The following CROT variants were observed in gnomAD, a reference collection of about 807,000 sequenced individuals.
The protein encoded by CROT is carnitine O-octanoyltransferase.
A neutral mutation model predicts 89.2 loss-of-function variants in CROT; 84 were observed. The ratio of observed to expected loss-of-function variants is 0.94; its 90% CI spans 0.79 to 1.13. The LOEUF (loss-of-function observed/expected upper bound fraction) is 1.13. Among genes scored for constraint, CROT ranks in the 50% most tolerant of loss-of-function variants. The pLI is 0.00. For synonymous variants in CROT, 212 were observed against 239.5 expected, an observed-to-expected ratio of 0.89 and a Z score of 1.06; for missense variants, 711 against 727.8, an observed-to-expected ratio of 0.98 and a Z score of 0.27.
chr7:87,398,259 A>G (rs2116257422), intron 17 of CROT: 1 of 614,836 alleles, frequency 1.6e-6, no homozygotes, highest in East Asian at 3.4e-5. Flanking sequence ...TAAACGCAGT[A>G]AGACCTAGCT....
intron 10 of CROT, 63 bp downstream of exon 10, chr7:87,377,513 A>G: frequency 1.0e-6 from 1 of 953,278 alleles, no homozygotes; most frequent in Non-Finnish European, 1.7e-6. Context: ...ACAATAAACC[A>G]TAAATACTTG....
chr7:87,377,641 A>G (rs1806853194), intron 10 of CROT, among the ~76,000 whole-genome samples, 191 bp downstream of exon 10: 2 of 152,180 alleles, frequency 1.3e-5, no homozygotes, highest in African/African-American at 4.8e-5. Context: ...AGTAAGGCCA[A>G]CAGTTTGTTG....
At chr7:87,397,031 A>C (rs1401777640) in intron 17 of CROT, among the ~76,000 whole-genome samples, 1 of 152,134 alleles carries the variant, frequency 6.6e-6, no homozygotes, top group Non-Finnish European at 1.5e-5. Flanking sequence ...TTCTCATTTC[A>C]TCACACCATT....
Position 87,349,085 on chromosome 7 carries a change from C to G in CROT, c.17C>G (p.Ala6Gly). 6.3e-7 allele frequency: 1 copy of G among 1,598,424 alleles called. No individual in the cohort carries two copies. The highest frequency in any genetic ancestry group is 1.7e-5 in the Admixed American group (1 of 59,052). Residue 6 changes from alanine to glycine, a missense_variant, in exon 3 of 18, where the codon GCT (alanine) becomes GGT (glycine). Ala to Gly is a moderately conservative substitution (Grantham distance 60, BLOSUM62 0). Coordinates refer to ENST00000331536, the MANE Select transcript of CROT (RefSeq NM_021151.4). Reference sequence around the variant, plus strand: ...GATTTTATCATGGAAAATCAATTGGCTAAATCAACTGAAGAACGAACATTT... The same window carrying G: ...GATTTTATCATGGAAAATCAATTGGGTAAATCAACTGAAGAACGAACATTT... MENQL[A>G]KSTEERTFQY...
In CROT at chr7:87,383,006, T is replaced by A. The variant is rs189665487; in HGVS notation, c.1301+463T>A. ...TAAATAAGTTATAATTGAACATATTTATCAGGTACATGTGATTTTTTTGAT... is the reference window on the plus strand; with the variant it reads ...TAAATAAGTTATAATTGAACATATTAATCAGGTACATGTGATTTTTTTGAT... On this transcript the variant is annotated intron_variant, in intron 13 of 17. Transcript: ENST00000331536. Among the ~76,000 whole-genome samples the A allele has an allele frequency of 1.1e-3, 166 of 152,334 alleles. 2 individuals are homozygous for A. The East Asian group carries it at 0.025, about 23-fold the overall frequency.
At chr7:87,375,043 T>C (rs541349832) in intron 7 of CROT, among the ~76,000 whole-genome samples, 6 of 152,142 alleles carry the variant, frequency 3.9e-5, no homozygotes, top group Non-Finnish European at 8.8e-5. Context: ...TCTAGGAGCA[T>C]AAAATACTGT....
Position 87,361,462 on chromosome 7 carries a change from G to T in CROT, c.313G>T (p.Gly105Cys). The change falls in exon 5 of 18, where the codon GGT becomes TGT. Residue 105 changes from glycine (G) to cysteine (C), a missense_variant. Transcript: ENST00000331536. ...ATCACAATTGAATGTCAACTTTGCG[G>T]GTCCTGCAGCTCATTTTGAACACTA... Reference protein sequence around the residue: ...IPSQLNVNFAGPAAHFEHYWP... With the variant: ...IPSQLNVNFACPAAHFEHYWP... The T allele has an allele frequency of 6.2e-7, 1 of 1,613,948 alleles. No homozygotes were observed. The highest frequency in any genetic ancestry group is 1.3e-5 in the African/African-American group (1 of 74,988).
intron 3 of CROT, among the ~76,000 whole-genome samples, chr7:87,353,250 C>A (rs1050524713): frequency 8.5e-5 from 13 of 152,116 alleles, no homozygotes; most frequent in African/African-American, 3.1e-4. Context: ...TGGGTTTAAG[C>A]AATTCTCCCA....
At chr7:87,373,151 G>A (rs901477258) in intron 7 of CROT, among the ~76,000 whole-genome samples, 7 of 152,024 alleles carry the variant, frequency 4.6e-5, no homozygotes, top group African/African-American at 1.7e-4. Flanking sequence ...ATGCTAGTAA[G>A]GGTAAAGTGG....
At chr7:87,354,011 T>A (rs1413661488) in intron 3 of CROT, among the ~76,000 whole-genome samples, 1 of 152,188 alleles carries the variant, frequency 6.6e-6, no homozygotes, top group Admixed American at 6.5e-5. Flanking sequence ...CTTTAATAAA[T>A]CCCAGCAATA....
chr7:87,359,532 G>T, intron 4 of CROT: 1 of 1,320,368 alleles, frequency 7.6e-7, no homozygotes, highest in Non-Finnish European at 9.7e-7. Flanking sequence ...CAGATTTGCT[G>T]GGATAAGTGA....
At chr7:87,356,934 A>C (rs1193661769) in intron 3 of CROT, among the ~76,000 whole-genome samples, 1 of 152,146 alleles carries the variant, frequency 6.6e-6, no homozygotes, top group African/African-American at 2.4e-5. Context: ...AGGCAGGAGA[A>C]TCGCCTGAAC....
At chr7:87,383,630 G>A (rs573205300) in intron 13 of CROT, among the ~76,000 whole-genome samples, 5 of 151,876 alleles carry the variant, frequency 3.3e-5, no homozygotes, top group Admixed American at 2.6e-4. Flanking sequence ...CTGAGTAGCT[G>A]GGATTACAGG....
In CROT at chr7:87,382,407, T is replaced by G; in HGVS notation, c.1171-6T>G. Reference sequence around the variant, plus strand: ...TTCACCGTTCTCATTTAATTCTTCTTGTTAGGCATCTGATCTACAGATTGC... The same window carrying G: ...TTCACCGTTCTCATTTAATTCTTCTGGTTAGGCATCTGATCTACAGATTGC... On this transcript the variant is annotated splice_region_variant and splice_polypyrimidine_tract_variant and intron_variant, in intron 12 of 17. Transcript: ENST00000331536. 1 of 1,608,924 alleles carries G rather than the reference T, an allele frequency of 6.2e-7. No individual in the cohort carries two copies. The highest frequency in any genetic ancestry group is 8.5e-7 in the Non-Finnish European group (1 of 1,178,524).
intron 3 of CROT, among the ~76,000 whole-genome samples, chr7:87,357,280 A>G (rs1177836736): frequency 5.3e-5 from 8 of 152,158 alleles, no homozygotes; most frequent in Non-Finnish European, 1.0e-4. Flanking sequence ...ATACTGGCGT[A>G]CATCTTGCAA....
Position 87,391,569 on chromosome 7 carries a change from CTT to C in CROT, c.1302-17_1302-16del. 1.9e-6 allele frequency: 3 copies of C among 1,582,608 alleles called. No homozygotes were observed. The highest frequency in any genetic ancestry group is 2.4e-5 in the South Asian group (2 of 84,930). On this transcript the variant is annotated intron_variant, in intron 13 of 17. Coordinates refer to ENST00000331536, the MANE Select transcript of CROT (RefSeq NM_021151.4). ...AGCATTTTCTTTCTTATGATACACT[CTT>C]TTAATTTTTTCTTGTAGCCCTGGTT... is the stretch of plus-strand genomic sequence containing the variant.
At chr7:87,360,942 A>G (rs142866428) in intron 4 of CROT, among the ~76,000 whole-genome samples, 16 of 152,244 alleles carry the variant, frequency 1.1e-4, no homozygotes, top group Non-Finnish European at 2.1e-4. Flanking sequence ...CTCAATATCT[A>G]TGATGATTTA....
rs754572905 is a variant in CROT at position 87,391,728 on chromosome 7, GA to G, written c.1425+23del. 32 of 1,593,790 alleles carry G rather than the reference GA, an allele frequency of 2.0e-5. No homozygotes were observed. The highest frequency in any genetic ancestry group is 1.8e-4 in the African/African-American group (13 of 73,294). ...TTCTGTCAATGTGAGTATTGGAAAG[GA>G]AAAAAACTCACAAGATTTGTTTAAT... On this transcript the variant is annotated intron_variant, in intron 14 of 17. Transcript: ENST00000331536.
chr7:87,366,514 G>A (rs1806453344), intron 6 of CROT, among the ~76,000 whole-genome samples: 1 of 152,012 alleles, frequency 6.6e-6, no homozygotes, highest in African/African-American at 2.4e-5. Flanking sequence ...GCTTTCAATT[G>A]TAGACGATCC....
Sources: allele counts gnomAD v4.1 joint callset (sites outside exome capture counted in the v4.1 genomes callset), GRCh38; gene constraint gnomAD v4.1.1; transcripts MANE v1.5; gene names NCBI Gene and HGNC (gene_info 2026-07-23, HGNC 2026-07-21).